Variants in ALG8 observed in about 807,000 individuals in gnomAD.
ALG8 encodes the protein dolichyl pyrophosphate Glc1Man9GlcNAc2 alpha-1,3-glucosyltransferase.
ALG8 carries 48 observed loss-of-function variants against 70.2 expected under a neutral mutation model. That is an observed-to-expected ratio of 0.68 (90% CI 0.54 to 0.87). ALG8 has a LOEUF of 0.87. Among genes scored for constraint, ALG8 ranks in the 40% least tolerant of loss-of-function variants. ALG8 has a pLI of 0.00. For missense variants in ALG8, 572 were observed against 608.7 expected (o/e 0.94, Z 0.64); for synonymous variants, 234 against 229.0 (o/e 1.02, Z -0.20).
At position 78,121,110 on chromosome 11, in the gene ALG8, G is replaced by C; in HGVS notation, c.433C>G (p.Leu145Val). ...AAGTTCCACAGAAGTAATACCGACA[G>C]AATAAATTTTGGCTTTTCTGTAAGT... The part of the protein sequence containing the change: ...KELTEKPKFI[L>V]SVLLLWNFGL... Residue 145 changes from leucine (L) to valine (V), a missense_variant, in exon 4 of 13, where the codon CTG (leucine) becomes GTG (valine). Physicochemically the swap from Leu to Val is conservative, Grantham distance 32 (BLOSUM62 1). Transcript: ENST00000299626. 6.2e-7 allele frequency: 1 copy of C among 1,613,918 alleles called. No homozygotes were observed. The highest frequency in any genetic ancestry group is 1.1e-5 in the South Asian group (1 of 91,070).
intron 4 of ALG8, among the ~76,000 whole-genome samples, chr11:78,119,574 A>G (rs1474479341): frequency 6.6e-6 from 1 of 151,882 alleles, no homozygotes; most frequent in Admixed American, 6.6e-5. Flanking sequence ...GACTACAGGC[A>G]CATACCACCA....
intron 1 of ALG8, among the ~76,000 whole-genome samples, chr11:78,136,160 T>C (rs1050795338): frequency 2.0e-5 from 3 of 151,506 alleles, no homozygotes; most frequent in Non-Finnish European, 4.4e-5. Flanking sequence ...AGTGAAACAC[T>C]GTCTCAAAAA....
At chr11:78,120,995 G>C in intron 4 of ALG8, 70 bp downstream of exon 4, 1 of 1,372,548 alleles carries the variant, frequency 7.3e-7, no homozygotes, top group Non-Finnish European at 1.0e-6. Context: ...CATTATTATA[G>C]AAAACATTAA....
In ALG8 at chr11:78,127,355, T is replaced by C. The variant is rs1268259276; in HGVS notation, c.174+3A>G. The C allele has an allele frequency of 6.2e-7, 1 of 1,608,824 alleles. No individual in the cohort carries two copies. The highest frequency in any genetic ancestry group is 1.1e-5 in the South Asian group (1 of 90,638). ...AAAAAAAAAGGTGAAAATTAAAACT[T>C]ACCTCATAATACCACTGTGATATTG... On this transcript the variant is annotated splice_donor_region_variant and intron_variant, in intron 2 of 12. Transcript: ENST00000299626.
intron 5 of ALG8, chr11:78,114,734 C>T (rs916323993): frequency 3.6e-5 from 16 of 445,840 alleles, no homozygotes; most frequent in African/African-American, 1.6e-4. Context: ...GGTAAGCCGA[C>T]GTGGAAGGAT....
chr11:78,123,620 T>C (rs746036482), intron 3 of ALG8, among the ~76,000 whole-genome samples: 7 of 152,188 alleles, frequency 4.6e-5, no homozygotes, highest in Non-Finnish European at 7.3e-5. Flanking sequence ...GCACAATCCA[T>C]ACGTGTGCGC....
At chr11:78,122,230 C>T (rs888180942) in intron 3 of ALG8, among the ~76,000 whole-genome samples, 1 of 152,080 alleles carries the variant, frequency 6.6e-6, no homozygotes, top group African/African-American at 2.4e-5. Context: ...CCCTATGGAG[C>T]CTCAGTTCCC....
chr11:78,112,648 A>G lies in ALG8; in HGVS notation c.898+2T>C. ...CTGAGTAAAAAATGCTCGCTACCATACCGATGACAGACAGCACTTTGTCCA... is the reference window on the plus strand; with the variant it reads ...CTGAGTAAAAAATGCTCGCTACCATGCCGATGACAGACAGCACTTTGTCCA... On this transcript the variant is annotated splice_donor_variant, in intron 8 of 12. Transcript: ENST00000299626. LOFTEE classifies it high-confidence loss of function. 6.2e-7 allele frequency: 1 copy of G among 1,613,680 alleles called. No homozygotes were observed. The highest frequency in any genetic ancestry group is 8.5e-7 in the Non-Finnish European group (1 of 1,179,704).
chr11:78,132,803 C>A (rs980071661), intron 1 of ALG8, among the ~76,000 whole-genome samples: 1 of 149,886 alleles, frequency 6.7e-6, no homozygotes, highest in Admixed American at 6.7e-5. Flanking sequence ...CCTTCTTGGT[C>A]GCCTGATAGG....
intron 3 of ALG8, among the ~76,000 whole-genome samples, chr11:78,122,013 G>A (rs1860843510): frequency 6.6e-6 from 1 of 152,132 alleles, no homozygotes; most frequent in African/African-American, 2.4e-5. Flanking sequence ...AATGTTAATA[G>A]TGATTAGTAT....
intron 10 of ALG8, among the ~76,000 whole-genome samples, chr11:78,105,609 G>T (rs1590805154): frequency 6.9e-6 from 1 of 144,204 alleles, no homozygotes; most frequent in African/African-American, 2.6e-5. Flanking sequence ...TTTGAGACCA[G>T]CCTAGGCAAC....
chr11:78,128,133 T>C (rs1014266076), intron 1 of ALG8, among the ~76,000 whole-genome samples: 15 of 151,982 alleles, frequency 9.9e-5, no homozygotes, highest in African/African-American at 3.1e-4. Context: ...GGATGAGGAG[T>C]TCATCTGACA....
chr11:78,129,898 A>G (rs1259985096), intron 1 of ALG8, among the ~76,000 whole-genome samples: 1 of 152,152 alleles, frequency 6.6e-6, no homozygotes, highest in Non-Finnish European at 1.5e-5. Context: ...GATAAGAATG[A>G]AAAAACAGTA....
chr11:78,122,542 A>G (rs1027068981), intron 3 of ALG8, among the ~76,000 whole-genome samples: 82 of 152,154 alleles, frequency 5.4e-4, no homozygotes, highest in African/African-American at 1.8e-3. Context: ...GGGTTTCACC[A>G]TGTTATCCAG....
chr11:78,121,329 A>G, intron 3 of ALG8, 155 bp from the exon 4 acceptor site: 1 of 659,560 alleles, frequency 1.5e-6, no homozygotes, highest in South Asian at 1.7e-5. Flanking sequence ...CTTTTTTTAG[A>G]AGGGATGGGG....
At chr11:78,109,314 C>T (rs1264831544) in intron 9 of ALG8, 128 bp downstream of exon 9, 1 of 1,259,844 alleles carries the variant, frequency 7.9e-7, no homozygotes, top group Non-Finnish European at 1.1e-6. Context: ...ATGCTTCAAT[C>T]TGCAGAAGGA....
chr11:78,107,049 AAT>A, intron 9 of ALG8, 103 bp from the exon 10 acceptor site: 1 of 1,332,876 alleles, frequency 7.5e-7, no homozygotes, highest in Non-Finnish European at 1.0e-6. Flanking sequence ...AAAGACAGCC[AAT>A]CTTAGACAAT....
At chr11:78,130,495 T>G (rs1861265610) in intron 1 of ALG8, among the ~76,000 whole-genome samples, 1 of 152,190 alleles carries the variant, frequency 6.6e-6, no homozygotes, top group South Asian at 2.1e-4. Context: ...AAAAATTCAG[T>G]GAGCTGTACA....
intron 3 of ALG8, among the ~76,000 whole-genome samples, chr11:78,123,239 G>T (rs1860902052): frequency 7.1e-6 from 1 of 141,748 alleles, no homozygotes; most frequent in South Asian, 2.4e-4. Context: ...CCGAGAGGCA[G>T]TTGCAGTGAG....
Sources: allele counts gnomAD v4.1 joint callset (sites outside exome capture counted in the v4.1 genomes callset), GRCh38; gene constraint gnomAD v4.1.1; transcripts MANE v1.5; gene names NCBI Gene and HGNC (gene_info 2026-07-23, HGNC 2026-07-21).